The following FURIN variants were observed in gnomAD, a reference collection of about 807,000 sequenced individuals.
FURIN encodes furin, paired basic amino acid cleaving enzyme, also known as FES upstream region.
In FURIN, 18 loss-of-function variants were observed where a neutral mutation model predicts 89.2. That is an observed-to-expected ratio of 0.20 (90% CI 0.14 to 0.30). FURIN has a LOEUF of 0.30. FURIN is among the 10% of genes least tolerant of loss of function. The pLI, the probability that FURIN is intolerant of heterozygous loss-of-function variation, is 1.00. For synonymous variants in FURIN, 508 were observed against 466.4 expected (o/e 1.09, Z -1.15); for missense variants, 879 against 1,100.5 (o/e 0.80, Z 2.85).
At chr15:90,872,489 G>A (rs138998768) in intron 1 of FURIN, among the ~76,000 whole-genome samples, 211 of 152,320 alleles carry the variant, frequency 1.4e-3, no homozygotes, top group African/African-American at 4.8e-3. Context: ...CGGGTGCTGA[G>A]CAGGTGTGGA....
At chr15:90,874,069 A>AG (rs1043159266) in intron 1 of FURIN, among the ~76,000 whole-genome samples, 2 of 152,180 alleles carry the variant, frequency 1.3e-5, no homozygotes, top group Non-Finnish European at 2.9e-5. Flanking sequence ...AAGGGCATCC[A>AG]GGGCCCTGCT....
At chr15:90,871,527 G>A (rs1393091762) in intron 1 of FURIN, 5 of 146,624 alleles carry the variant, frequency 3.4e-5, no homozygotes, top group East Asian at 2.0e-4. Context: ...AGTCGGGCCC[G>A]GGCGGCATGG....
chr15:90,881,157 T>C lies in FURIN; in HGVS notation c.1792+117T>C. 1 of 1,092,464 alleles carries C rather than the reference T, an allele frequency of 9.2e-7. No individual in the cohort carries two copies. Among genetic ancestry groups the C allele is most frequent in the South Asian group, 1.4e-5 (1 of 72,078 alleles). The allele number at this position is 1,092,464 out of a possible 1,614,324, so 67.7% of individuals were successfully genotyped here. A position where few individuals can be genotyped will look rare whatever the true frequency, so the allele number is the denominator to read the frequency against. On this transcript the variant is annotated intron_variant, in intron 15 of 15. Coordinates refer to ENST00000268171, the MANE Select transcript of FURIN (RefSeq NM_002569.4). This position sits in a 1 kb window ranked among gnomAD's most constrained non-coding sequence, Gnocchi z 4.3. ...TCAAGAGACCTAGGGCCCCTGGGGCTCTTGGGATGACCACAGTCCTGGGGC... is the reference window on the plus strand; with the variant it reads ...TCAAGAGACCTAGGGCCCCTGGGGCCCTTGGGATGACCACAGTCCTGGGGC...
At position 90,881,892 on chromosome 15, in the gene FURIN, C is replaced by T. The variant is rs1203342488; in HGVS notation, c.*14C>T. The T allele has an allele frequency of 6.4e-7, 1 of 1,554,330 alleles. No individual in the cohort carries two copies. The highest frequency in any genetic ancestry group is 8.8e-7 in the Non-Finnish European group (1 of 1,134,702). Reference sequence around the variant, plus strand: ...AGCGCCCTCTGATGAGCCCACTGCCCACCCCCTCAAGCCAATCCCCTCCTT... The same window carrying T: ...AGCGCCCTCTGATGAGCCCACTGCCTACCCCCTCAAGCCAATCCCCTCCTT... On this transcript the variant is annotated 3_prime_UTR_variant, in exon 16 of 16. Transcript: ENST00000268171. The surrounding 1 kb of genome is among the most constrained non-coding windows in gnomAD (Gnocchi z 4.3).
intron 1 of FURIN, among the ~76,000 whole-genome samples, chr15:90,871,028 T>A (rs1333169660): frequency 6.6e-6 from 1 of 152,202 alleles, no homozygotes; most frequent in African/African-American, 2.4e-5. Flanking sequence ...TCTATACAAA[T>A]GCAGACGAAG....
chr15:90,871,908 C>G (rs1424011025), intron 1 of FURIN, among the ~76,000 whole-genome samples: 1 of 151,226 alleles, frequency 6.6e-6, no homozygotes, highest in East Asian at 2.0e-4. Context: ...CCCGTCTCGG[C>G]CCCCCGGCCG....
At chr15:90,875,537 G>C in intron 1 of FURIN, 45 bp from the exon 2 acceptor site, 1 of 505,042 alleles carries the variant, frequency 2.0e-6, no homozygotes, top group Non-Finnish European at 3.5e-6. Context: ...CGTAGCAGGG[G>C]AGGAACTGAC....
rs571399328 is a variant in FURIN at position 90,882,308 on chromosome 15, C to T, written c.*430C>T. 5.2e-6 allele frequency: 1 copy of T among 191,532 alleles called. No homozygotes were observed. The highest frequency in any genetic ancestry group is 2.4e-5 in the African/African-American group (1 of 41,886). The allele number at this position is 191,532 out of a possible 1,614,324, so 11.9% of individuals were successfully genotyped here. A position where few individuals can be genotyped will look rare whatever the true frequency, so the allele number is the denominator to read the frequency against. ...AGGAGATATCTGAGGGAGGAGGCCACCTCTCCAAGGGCTTCTGCACCCTCC... is the reference window on the plus strand; with the variant it reads ...AGGAGATATCTGAGGGAGGAGGCCATCTCTCCAAGGGCTTCTGCACCCTCC... On this transcript the variant is annotated 3_prime_UTR_variant, in exon 16 of 16. Coordinates refer to ENST00000268171, the MANE Select transcript of FURIN (RefSeq NM_002569.4).
Position 90,879,448 on chromosome 15 carries a change from C to A in FURIN, c.1058C>A (p.Thr353Lys). The change falls in exon 10 of 16, where the codon ACG (threonine) becomes AAG (lysine). Residue 353 changes from threonine to lysine, a missense_variant. Physicochemically the swap from Thr to Lys is moderately conservative, Grantham distance 78. Transcript: ENST00000268171. ...SGNQNEKQIVTTDLRQKCTES... is the reference protein window; with the variant it reads ...SGNQNEKQIVKTDLRQKCTES... ...ATATGATTCTCTTCCTGGCAGGTGA[C>A]GACTGACTTGCGGCAGAAGTGCACG... The A allele has an allele frequency of 6.2e-7, 1 of 1,610,422 alleles. No individual in the cohort carries two copies. The highest frequency in any genetic ancestry group is 8.5e-7 in the Non-Finnish European group (1 of 1,176,792).
chr15:90,879,405 C>T (rs1164648359), intron 9 of FURIN, 39 bp from the exon 10 acceptor site: 3 of 1,424,808 alleles, frequency 2.1e-6, no homozygotes, highest in East Asian at 4.5e-5. Flanking sequence ...TAGCCCCCTC[C>T]ACCCATCACA....
Position 90,880,745 on chromosome 15 carries a change from T to C in FURIN, c.1611T>C (p.His537=). 6.2e-7 allele frequency: 1 copy of C among 1,614,076 alleles called. No homozygotes were observed. The highest frequency in any genetic ancestry group is 1.3e-5 in the African/African-American group (1 of 75,026). The part of the protein sequence containing the change: ...GFNDWAFMTT[H]SWDEDPSGEW... ...ATGACTGGGCCTTCATGACAACTCA[T>C]TCCTGGGATGAGGATCCCTCTGGCG... The change falls in exon 14 of 16, where the codon CAT becomes CAC. Residue 537 remains histidine (H), a synonymous_variant. Transcript: ENST00000268171.
intron 7 of FURIN, 56 bp from the exon 8 acceptor site, chr15:90,878,076 G>C (rs1430373088): frequency 6.4e-7 from 1 of 1,566,988 alleles, no homozygotes; most frequent in Admixed American, 1.7e-5. Flanking sequence ...TGGGGTGGGG[G>C]CCCTGACAGC....
At position 90,880,953 on chromosome 15, in the gene FURIN, G is replaced by T. The variant is rs771449660; in HGVS notation, c.1705G>T (p.Val569Leu). 1 of 1,613,982 alleles carries T rather than the reference G, an allele frequency of 6.2e-7. No homozygotes were observed. ...AGGGACGCTGACCAAGTTCACCCTCGTACTCTATGGCACCGCCCCTGAGGG... is the reference window on the plus strand; with the variant it reads ...AGGGACGCTGACCAAGTTCACCCTCTTACTCTATGGCACCGCCCCTGAGGG... ...NYGTLTKFTL[V>L]LYGTAPEGLP... The change falls in exon 15 of 16, where the codon GTA (valine) becomes TTA (leucine). Residue 569 changes from valine (V) to leucine (L), a missense_variant. Transcript: ENST00000268171.
At chr15:90,874,576 T>A (rs1382227097) in intron 1 of FURIN, among the ~76,000 whole-genome samples, 1 of 152,152 alleles carries the variant, frequency 6.6e-6, no homozygotes, top group Non-Finnish European at 1.5e-5. Context: ...CCATTTAGGG[T>A]CACCCATTTT....
At position 90,881,883 on chromosome 15, in the gene FURIN, C is replaced by A; in HGVS notation, c.*5C>A. The A allele has an allele frequency of 6.3e-7, 1 of 1,574,882 alleles. No homozygotes were observed. Among genetic ancestry groups the A allele is most frequent in the Non-Finnish European group, 8.7e-7 (1 of 1,149,974 alleles). ...AAAGACCAGAGCGCCCTCTGATGAG[C>A]CCACTGCCCACCCCCTCAAGCCAAT... On this transcript the variant is annotated 3_prime_UTR_variant, in exon 16 of 16. Coordinates refer to ENST00000268171, the MANE Select transcript of FURIN (RefSeq NM_002569.4). This position sits in a 1 kb window ranked among gnomAD's most constrained non-coding sequence, Gnocchi z 4.3.
At chr15:90,873,413 G>A (rs1279002350) in intron 1 of FURIN, among the ~76,000 whole-genome samples, 6 of 152,164 alleles carry the variant, frequency 3.9e-5, no homozygotes, top group Non-Finnish European at 8.8e-5. Context: ...CAGTGTGCTG[G>A]AATCTGGGCT....
chr15:90,871,661 C>G (rs1440663137), intron 1 of FURIN: 1 of 148,384 alleles, frequency 6.7e-6, no homozygotes, highest in Non-Finnish European at 1.5e-5. Flanking sequence ...CGTCTGGGAG[C>G]CGGGCCCGAG....
At position 90,881,397 on chromosome 15, in the gene FURIN, C is replaced by A. The variant is rs773428546; in HGVS notation, c.1904C>A (p.Thr635Asn). ...TATAGCACCGAGAATGACGTGGAGA[C>A]CATCCGGGCCAGCGTCTGCGCCCCC... is the stretch of plus-strand genomic sequence containing the variant. ...THYSTENDVE[T>N]IRASVCAPCH... The change falls in exon 16 of 16, where the codon ACC becomes AAC. Residue 635 changes from threonine to asparagine, a missense_variant. Around this residue, in one of 5 missense-constraint regions of FURIN, gnomAD observed 457 missense variants for 490.7 expected, o/e 0.93. Coordinates refer to ENST00000268171, the MANE Select transcript of FURIN (RefSeq NM_002569.4). The surrounding 1 kb of genome is among the most constrained non-coding windows in gnomAD (Gnocchi z 4.3). 6.2e-7 allele frequency: 1 copy of A among 1,612,724 alleles called. No homozygotes were observed. Among genetic ancestry groups the A allele is most frequent in the Non-Finnish European group, 8.5e-7 (1 of 1,179,972 alleles).
chr15:90,870,271 C>A (rs1284656802), intron 1 of FURIN, among the ~76,000 whole-genome samples: 1 of 152,194 alleles, frequency 6.6e-6, no homozygotes, highest in East Asian at 1.9e-4. Context: ...TGATTTTTCA[C>A]CAGTTGCCTT....
Sources: allele counts gnomAD v4.1 joint callset (sites outside exome capture counted in the v4.1 genomes callset), GRCh38; gene constraint gnomAD v4.1.1; regional missense constraint gnomAD v4.1.1; non-coding constraint Gnocchi (gnomAD v3.1); transcripts MANE v1.5; gene names NCBI Gene and HGNC (gene_info 2026-07-23, HGNC 2026-07-21).